The following GTF2E2 variants were observed in gnomAD, a reference collection of about 807,000 sequenced individuals.
GTF2E2 encodes general transcription factor IIE subunit 2, also known as transcription initiation factor IIE subunit beta.
GTF2E2 carries 21 observed loss-of-function variants against 40.5 expected under a neutral mutation model. That is an observed-to-expected ratio of 0.52 (90% CI 0.37 to 0.75). The LOEUF is 0.75. Among genes scored for constraint, GTF2E2 ranks in the 30% least tolerant of loss-of-function variants. GTF2E2 has a pLI of 0.00. For synonymous variants in GTF2E2, 117 were observed against 121.6 expected, an observed-to-expected ratio of 0.96 and a Z score of 0.25; for missense variants, 298 against 338.4, an observed-to-expected ratio of 0.88 and a Z score of 0.94.
At chr8:30,582,728 C>T (rs143779317) in intron 6 of GTF2E2, among the ~76,000 whole-genome samples, 3 of 152,312 alleles carry the variant, frequency 2.0e-5, no homozygotes, top group East Asian at 3.9e-4. Flanking sequence ...CTGGCAAGAA[C>T]AACACAGTAA....
chr8:30,656,431 A>C (rs1463566772), intron 1 of GTF2E2, among the ~76,000 whole-genome samples: 1 of 152,208 alleles, frequency 6.6e-6, no homozygotes, highest in Non-Finnish European at 1.5e-5. Flanking sequence ...GCAAAAAGTA[A>C]ATTTCTAGAA....
At chr8:30,599,423 CA>C (rs1829106975) in intron 6 of GTF2E2, among the ~76,000 whole-genome samples, 1 of 151,852 alleles carries the variant, frequency 6.6e-6, no homozygotes, top group Non-Finnish European at 1.5e-5. Context: ...ACTAAAAACA[CA>C]AAAAATTAGC....
intron 6 of GTF2E2, among the ~76,000 whole-genome samples, chr8:30,594,866 A>G (rs1343784415): frequency 6.6e-6 from 1 of 152,036 alleles, no homozygotes; most frequent in Non-Finnish European, 1.5e-5. Flanking sequence ...TCAAAAAAAA[A>G]AAAAAAAGTA....
chr8:30,630,239 G>A (rs1231046570), intron 3 of GTF2E2, among the ~76,000 whole-genome samples: 2 of 152,118 alleles, frequency 1.3e-5, no homozygotes, highest in Non-Finnish European at 2.9e-5. Flanking sequence ...CTCAGGAGCT[G>A]GTGAGATGAG....
intron 5 of GTF2E2, among the ~76,000 whole-genome samples, chr8:30,610,081 G>A (rs913841291): frequency 7.2e-5 from 11 of 152,044 alleles, no homozygotes; most frequent in African/African-American, 2.7e-4. Flanking sequence ...CTAATACATA[G>A]CCAAAACAAT....
chr8:30,653,978 A>G (rs1363410401), intron 1 of GTF2E2, among the ~76,000 whole-genome samples: 1 of 151,750 alleles, frequency 6.6e-6, no homozygotes, highest in Non-Finnish European at 1.5e-5. Flanking sequence ...AGTCCCAGCT[A>G]CTCGGGAGGC....
intron 6 of GTF2E2, among the ~76,000 whole-genome samples, chr8:30,598,652 A>C (rs2151117671): frequency 6.6e-6 from 1 of 152,366 alleles, no homozygotes; most frequent in South Asian, 2.1e-4. Context: ...TATGTAAATC[A>C]TTTAAATATG....
intron 6 of GTF2E2, among the ~76,000 whole-genome samples, chr8:30,590,038 C>T (rs527622963): frequency 1.3e-5 from 2 of 152,148 alleles, no homozygotes; most frequent in African/African-American, 2.4e-5. Flanking sequence ...TATGGTCATG[C>T]TAACACCACC....
At chr8:30,626,321 C>T (rs948541651) in intron 3 of GTF2E2, among the ~76,000 whole-genome samples, 2 of 152,104 alleles carry the variant, frequency 1.3e-5, no homozygotes, top group Non-Finnish European at 2.9e-5. Context: ...CCCATCTCTA[C>T]TAAAAATACA....
At chr8:30,601,149 T>C (rs919865214) in intron 6 of GTF2E2, among the ~76,000 whole-genome samples, 13 of 152,322 alleles carry the variant, frequency 8.5e-5, no homozygotes, top group African/African-American at 3.1e-4. Context: ...AAATGGCTGT[T>C]CCCTCTGGTG....
At chr8:30,635,887 T>C (rs1009447824) in intron 2 of GTF2E2, among the ~76,000 whole-genome samples, 4 of 152,034 alleles carry the variant, frequency 2.6e-5, no homozygotes, top group Admixed American at 2.0e-4. Flanking sequence ...ACCAAAAAAA[T>C]AGGAATTAAT....
intron 6 of GTF2E2, among the ~76,000 whole-genome samples, chr8:30,598,975 A>G (rs1292028419): frequency 6.6e-6 from 1 of 152,176 alleles, no homozygotes; most frequent in Non-Finnish European, 1.5e-5. Context: ...CTGGGCAACA[A>G]AGCGAGACCC....
intron 5 of GTF2E2, among the ~76,000 whole-genome samples, chr8:30,610,984 C>T (rs1156753966): frequency 6.6e-6 from 1 of 152,132 alleles, no homozygotes; most frequent in African/African-American, 2.4e-5. Flanking sequence ...ACAACAAAAA[C>T]ACAATGGAAT....
chr8:30,580,283 C>T lies in GTF2E2; in HGVS notation c.757G>A (p.Val253Met). Residue 253 changes from valine (V) to methionine (M), a missense_variant and splice_region_variant, in exon 7 of 8, where the codon GTG (valine) becomes ATG (methionine). Transcript: ENST00000355904. ...SSMQESGPKKVAPIQRRKKPA... is the reference protein window; with the variant it reads ...SSMQESGPKKMAPIQRRKKPA... ...CTGCTTTGCTAGAGATTACGCACCA[C>T]TTTCTTTGGTCCAGATTCCTGCATG... 6.4e-7 allele frequency: 1 copy of T among 1,556,728 alleles called. No individual in the cohort carries two copies. Among genetic ancestry groups the T allele is most frequent in the Non-Finnish European group, 8.9e-7 (1 of 1,127,648 alleles).
chr8:30,606,045 C>T (rs1033122085), intron 6 of GTF2E2, among the ~76,000 whole-genome samples: 7 of 152,156 alleles, frequency 4.6e-5, no homozygotes, highest in Non-Finnish European at 5.9e-5. Context: ...ATATAAAAAT[C>T]GCCAGGCAGT....
chr8:30,652,845 G>T (rs887927896), intron 2 of GTF2E2, among the ~76,000 whole-genome samples: 4 of 152,084 alleles, frequency 2.6e-5, no homozygotes, highest in African/African-American at 9.7e-5. Context: ...ACAAACTGTG[G>T]TACATATATC....
intron 6 of GTF2E2, among the ~76,000 whole-genome samples, chr8:30,581,949 C>T (rs576711251): frequency 1.3e-5 from 2 of 152,218 alleles, no homozygotes; most frequent in South Asian, 2.1e-4. Flanking sequence ...ATTTGACTAC[C>T]GAATGTATGA....
chr8:30,622,766 AT>A, intron 3 of GTF2E2, among the ~76,000 whole-genome samples: 1 of 152,156 alleles, frequency 6.6e-6, no homozygotes, highest in East Asian at 1.9e-4. Flanking sequence ...GAGAAAAAGA[AT>A]TCAGCGATAT....
At chr8:30,580,198 C>T (rs1467231303) in intron 7 of GTF2E2, 83 bp downstream of exon 7, 3 of 777,156 alleles carry the variant, frequency 3.9e-6, no homozygotes, top group African/African-American at 3.4e-5. Flanking sequence ...GGAACAACTC[C>T]CAGCTCTTCA....
Sources: gnomAD v4.1 joint callset for allele counts (sites outside exome capture counted in the v4.1 genomes callset) on GRCh38, gnomAD v4.1.1 for gene constraint, MANE v1.5 for transcripts, NCBI Gene and HGNC (gene_info 2026-07-23, HGNC 2026-07-21) for gene names.